The following SEC22B variants were observed in gnomAD, a reference collection of about 807,000 sequenced individuals.
The protein encoded by SEC22B is SEC22 homolog B, vesicle trafficking protein, also known as vesicle-trafficking protein SEC22b.
Under a neutral mutation model 31.4 loss-of-function variants are expected in SEC22B, and 10 were observed. That is an observed-to-expected ratio of 0.32 (90% CI 0.20 to 0.54). The LOEUF (loss-of-function observed/expected upper bound fraction) is 0.54. Ranked by LOEUF, SEC22B falls within the 20% of genes least tolerant of loss-of-function variation. SEC22B has a pLI of 0.94. For synonymous variants in SEC22B, 60 were observed against 95.9 expected, an observed-to-expected ratio of 0.63 and a Z score of 2.19; for missense variants, 130 against 263.4, an observed-to-expected ratio of 0.49 and a Z score of 3.50.
chr1:120,163,568 ATTCTTTTTTTT>A (rs1657753502), intron 2 of SEC22B, among the ~76,000 whole-genome samples, 198 bp from the exon 3 acceptor site: 3 of 105,950 alleles, frequency 2.8e-5, no homozygotes, highest in Admixed American at 1.6e-4. Context: ...TTAGATGTAT[ATTCTTTTTTTT>A]TTCTTTTTTT....
At chr1:120,169,136 T>C (rs1159652346) in intron 1 of SEC22B, among the ~76,000 whole-genome samples, 187 bp from the exon 2 acceptor site, 1 of 152,170 alleles carries the variant, frequency 6.6e-6, no homozygotes, top group Non-Finnish European at 1.5e-5. Flanking sequence ...TTCTTCAAGA[T>C]GATCGCATTA....
rs1657543259 is a variant in SEC22B at position 120,151,721 on chromosome 1, GACATGTGTA to G, written c.*5308_*5316del. Reference sequence around the variant, plus strand: ...TCATGGTAGTACTGACTAAAAGAGGGACATGTGTAACAAAATCAGTAAGGAGGGTACTCC... The same window carrying G: ...TCATGGTAGTACTGACTAAAAGAGGGACAAAATCAGTAAGGAGGGTACTCC... On this transcript the variant is annotated 3_prime_UTR_variant, in exon 5 of 5. Coordinates refer to ENST00000578049, the MANE Select transcript of SEC22B (RefSeq NM_004892.6). The G allele has an allele frequency of 6.6e-6, 1 of 151,606 alleles. No individual in the cohort carries two copies. The highest frequency in any genetic ancestry group is 1.5e-5 in the Non-Finnish European group (1 of 67,962). The allele number at this position is 151,606 out of a possible 1,614,324, so 9.4% of individuals were successfully genotyped here. A position where few individuals can be genotyped will look rare whatever the true frequency, so the allele number is the denominator to read the frequency against.
At chr1:120,169,434 T>C (rs1657861905) in intron 1 of SEC22B, among the ~76,000 whole-genome samples, 1 of 152,216 alleles carries the variant, frequency 6.6e-6, no homozygotes, top group Non-Finnish European at 1.5e-5. Context: ...TGCAAATTAT[T>C]ACGAACACTT....
In SEC22B at chr1:120,153,371, G is replaced by A. The variant is rs1342449817; in HGVS notation, c.*3667C>T. On this transcript the variant is annotated 3_prime_UTR_variant, in exon 5 of 5. Transcript: ENST00000578049. ...AGCACCCTAGCCCTTTGTCATGAAA[G>A]CTACCAATAAGGTGGAAATTTAAAA... The A allele has an allele frequency of 1.3e-5, 2 of 151,642 alleles. No homozygotes were observed. The highest frequency in any genetic ancestry group is 4.9e-5 in the African/African-American group (2 of 41,118). 9.4% of individuals were successfully genotyped at this position (151,642 alleles called of 1,614,324 possible).
Position 120,176,383 on chromosome 1 carries a change from T to C in SEC22B, c.-2A>G. 1.2e-6 allele frequency: 2 copies of C among 1,613,752 alleles called. No homozygotes were observed. The highest frequency in any genetic ancestry group is 2.2e-5 in the South Asian group (2 of 91,032). On this transcript the variant is annotated 5_prime_UTR_variant, in exon 1 of 5. Transcript: ENST00000578049. ...GGCGATCATTGTTAGCAACACCATC[T>C]TCACAAACTACAGGGATCCAACACT...
Position 120,156,837 on chromosome 1 carries a change from C to T in SEC22B, c.*201G>A, listed in dbSNP as rs1391209028. 15 of 381,556 alleles carry T rather than the reference C, an allele frequency of 3.9e-5. No individual in the cohort carries two copies. Among genetic ancestry groups the T allele is most frequent in the South Asian group, 1.4e-4 (1 of 7,306 alleles). 23.6% of individuals were successfully genotyped at this position (381,556 alleles called of 1,614,324 possible). A position where few individuals can be genotyped will look rare whatever the true frequency, so the allele number is the denominator to read the frequency against. ...GGCACCCAGAGAAAGCCTCTGCCCC[C>T]GAAAGAGACTTTCTACATAGGGTTA... On this transcript the variant is annotated 3_prime_UTR_variant, in exon 5 of 5. Coordinates refer to ENST00000578049, the MANE Select transcript of SEC22B (RefSeq NM_004892.6).
chr1:120,176,413 C>A lies in SEC22B; in HGVS notation c.-32G>T. The A allele has an allele frequency of 6.2e-7, 1 of 1,603,528 alleles. No individual in the cohort carries two copies. The stretch of plus-strand genomic sequence containing the variant: ...AAACTACAGGGATCCAACACTGGCC[C>A]GGAAGGCCCTTGGCGCCGTCCTCAC... On this transcript the variant is annotated 5_prime_UTR_variant, in exon 1 of 5. Transcript: ENST00000578049.
chr1:120,157,402 A>C (rs1166010623), intron 4 of SEC22B: 12 of 357,788 alleles, frequency 3.4e-5, no homozygotes, highest in African/African-American at 2.1e-4. Context: ...AGGTGGTTAG[A>C]AGTGCAGGTT....
At position 120,152,586 on chromosome 1, in the gene SEC22B, G is replaced by T. The variant is rs1435687572; in HGVS notation, c.*4452C>A. The T allele has an allele frequency of 1.3e-5, 2 of 150,352 alleles. No homozygotes were observed. Among genetic ancestry groups the T allele is most frequent in the Non-Finnish European group, 3.0e-5 (2 of 67,734 alleles). 9.3% of individuals were successfully genotyped at this position (150,352 alleles called of 1,614,324 possible). On this transcript the variant is annotated 3_prime_UTR_variant, in exon 5 of 5. Coordinates refer to ENST00000578049, the MANE Select transcript of SEC22B (RefSeq NM_004892.6). ...TTAACATTGAGATCAAATGAGAAAGGAGCAAATAAGGAAAGAGGTATTACA... is the reference window on the plus strand; with the variant it reads ...TTAACATTGAGATCAAATGAGAAAGTAGCAAATAAGGAAAGAGGTATTACA...
At chr1:120,161,111 G>C (rs1257261925) in intron 3 of SEC22B, among the ~76,000 whole-genome samples, 1 of 152,122 alleles carries the variant, frequency 6.6e-6, no homozygotes, top group African/African-American at 2.4e-5. Context: ...AGAATCCTTA[G>C]AGAAATTAAG....
At chr1:120,165,882 T>C (rs1263249839) in intron 2 of SEC22B, among the ~76,000 whole-genome samples, 1 of 149,928 alleles carries the variant, frequency 6.7e-6, no homozygotes, top group Non-Finnish European at 1.5e-5. Flanking sequence ...GATAGGGATC[T>C]AGTTTCATTC....
At position 120,176,334 on chromosome 1, in the gene SEC22B, C is replaced by A; in HGVS notation, c.48G>T (p.Leu16=). 6.2e-7 allele frequency: 1 copy of A among 1,612,434 alleles called. No individual in the cohort carries two copies. The part of the protein sequence containing the change: ...MIARVADGLP[L]AASMQEDEQS... ...GTTCGTCCTCCTGCATCGAGGCGGC[C>A]AGCGGGAGCCCGTCCGCCACTCGGG... Residue 16 remains leucine, a synonymous_variant, in exon 1 of 5, where the codon CTG becomes CTT. Transcript: ENST00000578049.
chr1:120,176,250 G>A (rs1176223333), intron 1 of SEC22B, 57 bp downstream of exon 1: 2 of 1,542,758 alleles, frequency 1.3e-6, no homozygotes, highest in Admixed American at 1.8e-5. Flanking sequence ...ATCCGATGCT[G>A]AGGGCAAAGC....
chr1:120,161,680 T>C (rs1253598146), intron 3 of SEC22B, among the ~76,000 whole-genome samples: 1 of 151,684 alleles, frequency 6.6e-6, no homozygotes, highest in African/African-American at 2.4e-5. Context: ...GCCTGGGCAA[T>C]AGAGCGAGAC....
Position 120,165,845 on chromosome 1 carries a change from C to T in SEC22B, c.186-2475G>A, listed in dbSNP as rs1388083477. Among the ~76,000 whole-genome samples the T allele has an allele frequency of 3.1e-4, 46 of 150,684 alleles. No individual in the cohort carries two copies. The East Asian group carries it at 7.2e-3, about 24-fold the overall frequency. ...GTCTTATGCTTAAGTCTTTAATCTACTTTAAGTTGATTTTTGTATATGATG... is the reference window on the plus strand; with the variant it reads ...GTCTTATGCTTAAGTCTTTAATCTATTTTAAGTTGATTTTTGTATATGATG... On this transcript the variant is annotated intron_variant, in intron 2 of 4. Coordinates refer to ENST00000578049, the MANE Select transcript of SEC22B (RefSeq NM_004892.6).
rs1461052194 is a variant in SEC22B, at chr1:120,151,539, G to A, written c.*5499C>T. On this transcript the variant is annotated 3_prime_UTR_variant, in exon 5 of 5. Coordinates refer to ENST00000578049, the MANE Select transcript of SEC22B (RefSeq NM_004892.6). ...AAATTAGCCAGGAGCTGTGGCAGGT[G>A]CCTGTAATCCCAGCTACTCAGTAGG... 1 of 152,024 alleles carries A rather than the reference G, an allele frequency of 6.6e-6. No individual in the cohort carries two copies. Among genetic ancestry groups the A allele is most frequent in the Non-Finnish European group, 1.5e-5 (1 of 68,084 alleles). 9.4% of individuals were successfully genotyped at this position (152,024 alleles called of 1,614,324 possible).
intron 1 of SEC22B, among the ~76,000 whole-genome samples, chr1:120,172,227 T>G: frequency 1.1e-5 from 1 of 88,942 alleles, no homozygotes; most frequent in Non-Finnish European, 2.0e-5. Context: ...GGCAACAGAG[T>G]GAGACTCCAT....
At position 120,176,378 on chromosome 1, in the gene SEC22B, C is replaced by T; in HGVS notation, c.4G>A (p.Val2Met). M[V>M]LLTMIARVAD... ...ACTCGGGCGATCATTGTTAGCAACA[C>T]CATCTTCACAAACTACAGGGATCCA... Residue 2 changes from valine to methionine, a missense_variant, in exon 1 of 5, where the codon GTG (valine) becomes ATG (methionine). Transcript: ENST00000578049. 1.2e-6 allele frequency: 2 copies of T among 1,613,786 alleles called. No individual in the cohort carries two copies. The highest frequency in any genetic ancestry group is 1.7e-6 in the Non-Finnish European group (2 of 1,179,838).
At chr1:120,165,759 C>T (rs1218993066) in intron 2 of SEC22B, among the ~76,000 whole-genome samples, 1 of 151,800 alleles carries the variant, frequency 6.6e-6, no homozygotes, top group African/African-American at 2.4e-5. Flanking sequence ...AAAGTCTTCG[C>T]CCAGGTTCAT....
Sources: allele counts gnomAD v4.1 joint callset (sites outside exome capture counted in the v4.1 genomes callset), GRCh38; gene constraint gnomAD v4.1.1; transcripts MANE v1.5; gene names NCBI Gene and HGNC (gene_info 2026-07-23, HGNC 2026-07-21).